The following EIF6 variants were observed in gnomAD, a reference collection of about 807,000 sequenced individuals.
EIF6 encodes the protein B4 integrin interactor.
EIF6 carries 10 observed loss-of-function variants against 25.5 expected under a neutral mutation model. The observed-to-expected ratio is 0.39, with a 90% CI of 0.24 to 0.66. The LOEUF (loss-of-function observed/expected upper bound fraction) is 0.66, where lower values mean the gene tolerates loss of function less well. EIF6 is among the 30% of genes least tolerant of loss of function. The pLI is 0.45. For synonymous variants in EIF6, 122 were observed against 122.6 expected (o/e 1.00, Z 0.03); for missense variants, 246 against 315.4 (o/e 0.78, Z 1.67).
intron 3 of EIF6, among the ~76,000 whole-genome samples, chr20:35,282,076 C>A (rs1399988641): frequency 6.6e-6 from 1 of 150,566 alleles, no homozygotes; most frequent in Admixed American, 6.6e-5. Flanking sequence ...GCAAGTTCTA[C>A]CTCCCCGGTT....
At chr20:35,279,487 G>C in intron 6 of EIF6, 79 bp downstream of exon 6, 1 of 1,564,518 alleles carries the variant, frequency 6.4e-7, no homozygotes, top group Admixed American at 1.7e-5. Context: ...TCCCATTCTA[G>C]ATGACATCTT....
chr20:35,279,926 G>A lies in EIF6; in HGVS notation c.546+16C>T. The A allele has an allele frequency of 1.2e-6, 2 of 1,611,894 alleles. No homozygotes were observed. Among genetic ancestry groups the A allele is most frequent in the African/African-American group, 1.3e-5 (1 of 75,014 alleles). ...TCTGCCTCGGGAGACGGGGTTCAGAGGACAGGAATGCTTACCACAAGGGGG... is the reference window on the plus strand; with the variant it reads ...TCTGCCTCGGGAGACGGGGTTCAGAAGACAGGAATGCTTACCACAAGGGGG... On this transcript the variant is annotated intron_variant, in intron 5 of 6. Transcript: ENST00000374450.
At chr20:35,281,311 G>C (rs931705860) in intron 3 of EIF6, among the ~76,000 whole-genome samples, 1 of 151,566 alleles carries the variant, frequency 6.6e-6, no homozygotes, top group Non-Finnish European at 1.5e-5. Flanking sequence ...GCGTGAACCC[G>C]GGAGGCGGAG....
At chr20:35,280,233 T>C in intron 4 of EIF6, 115 bp from the exon 5 acceptor site, 1 of 1,150,628 alleles carries the variant, frequency 8.7e-7, no homozygotes, top group South Asian at 1.5e-5. Context: ...TTCTCCTCTG[T>C]ACCTCATATG....
rs577346256 is a variant in EIF6 at position 35,282,231 on chromosome 20, C to T, written c.194-1402G>A. Among the ~76,000 whole-genome samples, 41 of 152,296 alleles carry T rather than the reference C, an allele frequency of 2.7e-4. No individual in the cohort carries two copies. In the East Asian group the frequency reaches 3.5e-3, roughly 13 times the overall value. On this transcript the variant is annotated intron_variant, in intron 3 of 6. Coordinates refer to ENST00000374450, the MANE Select transcript of EIF6 (RefSeq NM_002212.4). ...GTCTCGATCTCCCGACCTCGTGATCCGCCCGCCTCGGCCTCCCAGAGTGCT... is the reference window on the plus strand; with the variant it reads ...GTCTCGATCTCCCGACCTCGTGATCTGCCCGCCTCGGCCTCCCAGAGTGCT...
intron 6 of EIF6, 43 bp downstream of exon 6, chr20:35,279,523 T>A (rs371571327): frequency 6.2e-7 from 1 of 1,601,304 alleles, no homozygotes; most frequent in African/African-American, 1.3e-5. Context: ...AAATGCAAGT[T>A]AACCCCCAAC....
intron 1 of EIF6, 73 bp from the exon 2 acceptor site, chr20:35,284,565 C>G: frequency 6.6e-7 from 1 of 1,515,110 alleles, no homozygotes; most frequent in South Asian, 1.3e-5. Flanking sequence ...GTCCCTCAGG[C>G]CCCGCCGCGA....
rs2060809168 is a variant in EIF6 at position 35,284,562 on chromosome 20, A to C, written c.-5-70T>G. On this transcript the variant is annotated intron_variant, in intron 1 of 6. Coordinates refer to ENST00000374450, the MANE Select transcript of EIF6 (RefSeq NM_002212.4). ...CCAAGTATCCCGGCCTCCGTCCCTC[A>C]GGCCCCGCCGCGACCCCGCCCCTCT... The C allele has an allele frequency of 2.9e-5, 44 of 1,518,742 alleles. 2 individuals carry two copies. In the South Asian group the frequency reaches 5.0e-4, roughly 17 times the overall value. 94.1% of individuals were successfully genotyped at this position (1,518,742 alleles called of 1,614,324 possible). A position where few individuals can be genotyped will look rare whatever the true frequency, so the allele number is the denominator to read the frequency against.
In EIF6 at chr20:35,284,274, G is replaced by A; in HGVS notation, c.108-13C>T. The A allele has an allele frequency of 6.2e-7, 1 of 1,613,836 alleles. No individual in the cohort carries two copies. Among genetic ancestry groups the A allele is most frequent in the Non-Finnish European group, 8.5e-7 (1 of 1,180,014 alleles). On this transcript the variant is annotated splice_polypyrimidine_tract_variant and intron_variant, in intron 2 of 6. Transcript: ENST00000374450. ...GCCCTCGAACACACTGTAGGGACAT[G>A]GACTCGGTGGTGGCGGGGCAGAGGG...
chr20:35,281,995 T>A (rs2060779292), intron 3 of EIF6, among the ~76,000 whole-genome samples: 1 of 151,572 alleles, frequency 6.6e-6, no homozygotes, highest in Non-Finnish European at 1.5e-5. Flanking sequence ...TATTACTTTT[T>A]TTTTTTTTTT....
At chr20:35,282,493 T>C (rs1311206452) in intron 3 of EIF6, among the ~76,000 whole-genome samples, 1 of 152,240 alleles carries the variant, frequency 6.6e-6, no homozygotes, top group African/African-American at 2.4e-5. Flanking sequence ...TCTCCCTTGT[T>C]GTCAGAACTT....
rs142237825 is a variant in EIF6, at chr20:35,284,255, G to A, written c.114C>T (p.Phe38=). The change falls in exon 3 of 7, where the codon TTC becomes TTT. Residue 38 remains phenylalanine, a synonymous_variant. Transcript: ENST00000374450. ...IGGSENFYSV[F]EGELSDTIPV... is the part of the protein sequence containing the mutation. ...GGATGGTATCGGAGAGCTCGCCCTC[G>A]AACACACTGTAGGGACATGGACTCG... The A allele has an allele frequency of 2.5e-6, 4 of 1,613,152 alleles. No homozygotes were observed. The highest frequency in any genetic ancestry group is 3.4e-6 in the Non-Finnish European group (4 of 1,179,956).
At chr20:35,284,087 A>G in intron 3 of EIF6, 89 bp downstream of exon 3, 1 of 1,445,736 alleles carries the variant, frequency 6.9e-7, no homozygotes, top group Non-Finnish European at 9.3e-7. Context: ...TACCCTGGGA[A>G]TCCCTAGGTC....
intron 1 of EIF6, 22 bp from the exon 2 acceptor site, chr20:35,284,514 G>C: frequency 2.5e-6 from 4 of 1,575,990 alleles, no homozygotes; most frequent in Middle Eastern, 1.7e-4. Context: ...GGAGGCGGGA[G>C]TTCAAGGCCG....
In EIF6 at chr20:35,284,104, G is replaced by C. The variant is rs573410755; in HGVS notation, c.193+72C>G. Reference sequence around the variant, plus strand: ...CCCTGGGAATCCCTAGGTCACTCCGGGTTCCCTCCGGGGGTGTAATTAATG... The same window carrying C: ...CCCTGGGAATCCCTAGGTCACTCCGCGTTCCCTCCGGGGGTGTAATTAATG... On this transcript the variant is annotated intron_variant, in intron 3 of 6. Coordinates refer to ENST00000374450, the MANE Select transcript of EIF6 (RefSeq NM_002212.4). 20 of 1,508,118 alleles carry C rather than the reference G, an allele frequency of 1.3e-5. No individual in the cohort carries two copies. The African/African-American group carries it at 2.6e-4, about 20-fold the overall frequency. 93.4% of individuals were successfully genotyped at this position (1,508,118 alleles called of 1,614,324 possible). A position where few individuals can be genotyped will look rare whatever the true frequency, so the allele number is the denominator to read the frequency against.
At position 35,280,750 on chromosome 20, in the gene EIF6, T is replaced by C; in HGVS notation, c.273A>G (p.Thr91=). The C allele has an allele frequency of 6.2e-7, 1 of 1,614,158 alleles. No individual in the cohort carries two copies. Among genetic ancestry groups the C allele is most frequent in the Non-Finnish European group, 8.5e-7 (1 of 1,180,012 alleles). Residue 91 remains threonine, a synonymous_variant, in exon 4 of 7, where the codon ACA becomes ACG. Coordinates refer to ENST00000374450, the MANE Select transcript of EIF6 (RefSeq NM_002212.4). ...LQHIRNSLPD[T]VQIRRVEERL... is the part of the protein sequence containing the mutation. ...GCTCCTCCACCCGCCTAATCTGCACTGTGTCTGGGAGGCTGTTGCGAATGT... is the reference window on the plus strand; with the variant it reads ...GCTCCTCCACCCGCCTAATCTGCACCGTGTCTGGGAGGCTGTTGCGAATGT...
Position 35,279,606 on chromosome 20 carries a change from T to C in EIF6, c.688A>G (p.Ser230Gly). ...SVFKLNEAQP[S>G]TIATSMRDSL... Reference sequence around the variant, plus strand: ...TCCCGCATGCTGGTGGCAATGGTGCTAGGCTGGGCTTCATTCAGCTTGAAG... The same window carrying C: ...TCCCGCATGCTGGTGGCAATGGTGCCAGGCTGGGCTTCATTCAGCTTGAAG... Residue 230 changes from serine to glycine, a missense_variant, in exon 6 of 7, where the codon AGC (serine) becomes GGC (glycine). By Grantham distance (56) the Ser-to-Gly change is moderately conservative (BLOSUM62 0). Coordinates refer to ENST00000374450, the MANE Select transcript of EIF6 (RefSeq NM_002212.4). 3.1e-6 allele frequency: 5 copies of C among 1,614,186 alleles called. No homozygotes were observed. The highest frequency in any genetic ancestry group is 4.2e-6 in the Non-Finnish European group (5 of 1,180,028).
At chr20:35,283,966 C>T (rs1429179331) in intron 3 of EIF6, among the ~76,000 whole-genome samples, 1 of 152,160 alleles carries the variant, frequency 6.6e-6, no homozygotes, top group Non-Finnish European at 1.5e-5. Flanking sequence ...GGAGTGAAAG[C>T]ACTTTACATT....
At position 35,279,755 on chromosome 20, in the gene EIF6, G is replaced by GGGAT. The variant is rs746358042; in HGVS notation, c.547-12_547-9dup. The GGGAT allele has an allele frequency of 3.0e-5, 49 of 1,613,820 alleles. No individual in the cohort carries two copies. Among genetic ancestry groups the GGGAT allele is most frequent in the Non-Finnish European group, 2.7e-5 (32 of 1,179,890 alleles). The stretch of plus-strand genomic sequence containing the variant: ...TCGGTTCACAGTCCCCGCCTGCCAA[G>GGGAT]GGATGGGCTCAATGTGAGTCACGGC... On this transcript the variant is annotated splice_polypyrimidine_tract_variant and intron_variant, in intron 5 of 6. Coordinates refer to ENST00000374450, the MANE Select transcript of EIF6 (RefSeq NM_002212.4).
Sources: allele counts gnomAD v4.1 joint callset (sites outside exome capture counted in the v4.1 genomes callset), GRCh38; gene constraint gnomAD v4.1.1; transcripts MANE v1.5; gene names NCBI Gene and HGNC (gene_info 2026-07-23, HGNC 2026-07-21).